Variants in HIVEP3 observed in about 807,000 individuals in gnomAD.
The protein encoded by HIVEP3 is transcription factor HIVEP3.
Under a neutral mutation model 152.8 loss-of-function variants are expected in HIVEP3, and 49 were observed. The observed-to-expected ratio is 0.32, with a 90% CI of 0.26 to 0.41. The LOEUF is 0.41. HIVEP3 is among the 10% of genes least tolerant of loss of function. The pLI is 1.00. For synonymous variants in HIVEP3, 1,269 were observed against 1,289.0 expected (o/e 0.98, Z 0.33); for missense variants, 2,790 against 3,103.3 (o/e 0.90, Z 2.40).
In HIVEP3 at chr1:41,510,662, G is replaced by A. The variant is rs755578466; in HGVS notation, c.7010C>T (p.Ala2337Val). 27 of 1,527,896 alleles carry A rather than the reference G, an allele frequency of 1.8e-5. No homozygotes were observed. Among genetic ancestry groups the A allele is most frequent in the Non-Finnish European group, 7.9e-6 (9 of 1,136,264 alleles). The allele number at this position is 1,527,896 out of a possible 1,614,324, so 94.6% of individuals were successfully genotyped here. A position where few individuals can be genotyped will look rare whatever the true frequency, so the allele number is the denominator to read the frequency against. ...GGCAGAAGGCTCGGGGTTGGTCGGT[G>A]CACGCGGGGACTCCAAGCGGGGGCT... ...SWSPRLESPRAPTNPEPSATP... is the reference protein window; with the variant it reads ...SWSPRLESPRVPTNPEPSATP... Residue 2337 changes from alanine to valine, a missense_variant, in exon 9 of 9, where the codon GCA becomes GTA. Ala to Val is a moderately conservative substitution (Grantham distance 64). Coordinates refer to ENST00000372583, the MANE Select transcript of HIVEP3 (RefSeq NM_024503.5).
chr1:42,012,783 G>A (rs961102956), intron 1 of HIVEP3, among the ~76,000 whole-genome samples: 1 of 152,148 alleles, frequency 6.6e-6, no homozygotes, highest in African/African-American at 2.4e-5. Context: ...TACAAGCCAG[G>A]AAGAGGGCCC....
intron 1 of HIVEP3, among the ~76,000 whole-genome samples, chr1:41,784,623 A>T (rs1195569419): frequency 1.3e-5 from 2 of 152,170 alleles, no homozygotes; most frequent in Non-Finnish European, 2.9e-5. Context: ...CAACACCCCA[A>T]ACTGTGAGGG....
At chr1:41,932,958 A>G (rs1645002679) in intron 1 of HIVEP3, among the ~76,000 whole-genome samples, 1 of 151,756 alleles carries the variant, frequency 6.6e-6, no homozygotes, top group Non-Finnish European at 1.5e-5. Flanking sequence ...GTGTTGTTTC[A>G]TCTCCATACA....
intron 2 of HIVEP3, among the ~76,000 whole-genome samples, chr1:41,666,107 T>C (rs1645791868): frequency 6.8e-6 from 1 of 147,308 alleles, no homozygotes; most frequent in Non-Finnish European, 1.5e-5. Flanking sequence ...TGTTTTCCTG[T>C]TTGGGGTGTG....
chr1:41,914,673 T>C (rs971041295), intron 1 of HIVEP3, among the ~76,000 whole-genome samples: 1 of 152,238 alleles, frequency 6.6e-6, no homozygotes, highest in Admixed American at 6.5e-5. Flanking sequence ...TTCAGCACGA[T>C]GTCTGAACTG....
intron 1 of HIVEP3, among the ~76,000 whole-genome samples, chr1:41,907,631 C>T (rs1471502829): frequency 6.6e-6 from 1 of 152,180 alleles, no homozygotes; most frequent in Non-Finnish European, 1.5e-5. Context: ...TCTGCTGTGC[C>T]CCACCACTAG....
intron 5 of HIVEP3, among the ~76,000 whole-genome samples, chr1:41,545,054 C>G (rs1197768259): frequency 3.3e-5 from 4 of 122,964 alleles, no homozygotes; most frequent in South Asian, 2.9e-4. Flanking sequence ...CTACCACCAC[C>G]ATCACTACCA....
chr1:41,576,591 T>C (rs1223870082), intron 4 of HIVEP3, among the ~76,000 whole-genome samples: 2 of 152,206 alleles, frequency 1.3e-5, no homozygotes, highest in Admixed American at 1.3e-4. Context: ...AACCATGCTG[T>C]TTCCATCCAG....
chr1:41,699,080 C>G (rs1028979728), intron 2 of HIVEP3, among the ~76,000 whole-genome samples: 1 of 152,226 alleles, frequency 6.6e-6, no homozygotes. Context: ...TCACAGGTGG[C>G]TCTAGGCCAG....
chr1:41,810,296 G>A (rs1360685598), intron 1 of HIVEP3, among the ~76,000 whole-genome samples: 1 of 152,160 alleles, frequency 6.6e-6, no homozygotes, highest in Non-Finnish European at 1.5e-5. Flanking sequence ...AAATAACTAA[G>A]TCACCTCCAC....
chr1:41,735,818 T>C (rs1456782832), intron 1 of HIVEP3, among the ~76,000 whole-genome samples: 3 of 151,898 alleles, frequency 2.0e-5, no homozygotes, highest in Non-Finnish European at 2.9e-5. Flanking sequence ...TCTTGGCGCC[T>C]CCCTCCCTCC....
At chr1:41,619,344 C>T (rs1283050843) in intron 3 of HIVEP3, among the ~76,000 whole-genome samples, 1 of 152,238 alleles carries the variant, frequency 6.6e-6, no homozygotes, top group East Asian at 1.9e-4. Flanking sequence ...CTGACTGCCA[C>T]CTTGTCACAT....
intron 2 of HIVEP3, among the ~76,000 whole-genome samples, chr1:41,648,606 T>G (rs1645498112): frequency 6.6e-6 from 1 of 152,256 alleles, no homozygotes; most frequent in African/African-American, 2.4e-5. Flanking sequence ...TTTTTGTCTC[T>G]TTGTATGTAT....
At chr1:41,544,719 TGTACCAC>T (rs1643635665) in intron 5 of HIVEP3, among the ~76,000 whole-genome samples, 13 of 74,784 alleles carry the variant, frequency 1.7e-4, no homozygotes, top group African/African-American at 7.4e-4. Flanking sequence ...CACTACCACC[TGTACCAC>T]CACCGCTACC....
At chr1:41,552,095 T>C (rs1479020842) in intron 5 of HIVEP3, among the ~76,000 whole-genome samples, 4 of 152,274 alleles carry the variant, frequency 2.6e-5, no homozygotes, top group African/African-American at 9.6e-5. Context: ...TTGTTCTCAT[T>C]GGTTTCAAAT....
intron 5 of HIVEP3, among the ~76,000 whole-genome samples, chr1:41,540,506 C>T (rs1304872268): frequency 6.6e-6 from 1 of 152,166 alleles, no homozygotes; most frequent in Non-Finnish European, 1.5e-5. Flanking sequence ...CCCAGAGTTA[C>T]TCCAATCTGG....
chr1:41,806,116 C>T (rs1432957542), intron 1 of HIVEP3, among the ~76,000 whole-genome samples: 6 of 152,178 alleles, frequency 3.9e-5, no homozygotes, highest in South Asian at 2.1e-4. Context: ...AGAGCCTGCC[C>T]TCTGCCTTCC....
intron 5 of HIVEP3, among the ~76,000 whole-genome samples, chr1:41,556,742 C>G (rs778798493): frequency 6.6e-6 from 1 of 152,184 alleles, no homozygotes; most frequent in Non-Finnish European, 1.5e-5. Flanking sequence ...CTTATGTTTT[C>G]TCCTAAGAGT....
chr1:41,507,783 G>C lies in HIVEP3; in HGVS notation c.*2668C>G, dbSNP rs1644398341. ...GTGGGCTGGGGGCTCTGTGCGCAGA[G>C]GAGCGGGACTAGAGTCCGGAGGAGG... On this transcript the variant is annotated 3_prime_UTR_variant, in exon 9 of 9. Transcript: ENST00000372583. The C allele has an allele frequency of 6.6e-6, 1 of 152,410 alleles. No individual in the cohort carries two copies. The highest frequency in any genetic ancestry group is 2.4e-5 in the African/African-American group (1 of 41,464). The allele number at this position is 152,410 out of a possible 1,614,324, so 9.4% of individuals were successfully genotyped here.
Sources: gnomAD v4.1 joint callset for allele counts (sites outside exome capture counted in the v4.1 genomes callset) on GRCh38, gnomAD v4.1.1 for gene constraint, MANE v1.5 for transcripts, NCBI Gene and HGNC (gene_info 2026-07-23, HGNC 2026-07-21) for gene names.